KL: variants seen among roughly 807,000 people sequenced by gnomAD.
The protein encoded by KL is alpha-klotho.
Under a neutral mutation model 84.2 loss-of-function variants are expected in KL, and 62 were observed. That is an observed-to-expected ratio of 0.74 (90% CI 0.60 to 0.91). KL has a LOEUF of 0.91. Among genes scored for constraint, KL ranks in the 40% least tolerant of loss-of-function variants. KL has a pLI of 0.00. For missense variants in KL, 1,261 were observed against 1,305.7 expected (o/e 0.97, Z 0.53); for synonymous variants, 528 against 528.0 (o/e 1.00, Z 0.00).
At chr13:33,047,614 C>T (rs1871586145) in intron 1 of KL, among the ~76,000 whole-genome samples, 1 of 152,224 alleles carries the variant, frequency 6.6e-6, no homozygotes, top group South Asian at 2.1e-4. Flanking sequence ...AGGCGTGAGC[C>T]ACTGCACCCA....
In KL at chr13:33,017,195, G is replaced by C. The variant is rs1343669027; in HGVS notation, c.755G>C (p.Arg252Pro). 4 of 1,597,608 alleles carry C rather than the reference G, an allele frequency of 2.5e-6. No individual in the cohort carries two copies. Among genetic ancestry groups the C allele is most frequent in the East Asian group, 4.5e-5 (2 of 44,824 alleles). Reference sequence around the variant, plus strand: ...GCCTGGCACGGCTACGCCACCGGGCGCCTGGCCCCCGGCATCCGGGGCAGC... The same window carrying C: ...GCCTGGCACGGCTACGCCACCGGGCCCCTGGCCCCCGGCATCCGGGGCAGC... ...VVAWHGYATG[R>P]LAPGIRGSPR... Residue 252 changes from arginine (R) to proline (P), a missense_variant, in exon 1 of 5, where the codon CGC becomes CCC. Arg to Pro is a moderately radical substitution (Grantham distance 103). Transcript: ENST00000380099.
At position 33,061,466 on chromosome 13, in the gene KL, T is replaced by G. The variant is rs1459190891; in HGVS notation, c.2387T>G (p.Leu796Arg). The change falls in exon 4 of 5, where the codon CTA becomes CGA. Residue 796 changes from leucine to arginine, a missense_variant. Transcript: ENST00000380099. ...LPYFTEDEKK[L>R]IQGTFDFLAL... ...TATTTCACTGAAGATGAAAAAAAGCTAATCCAGGGTACCTTTGACTTTTTG... is the reference window on the plus strand; with the variant it reads ...TATTTCACTGAAGATGAAAAAAAGCGAATCCAGGGTACCTTTGACTTTTTG... 6.2e-7 allele frequency: 1 copy of G among 1,614,212 alleles called. No homozygotes were observed. The highest frequency in any genetic ancestry group is 2.2e-5 in the East Asian group (1 of 44,888).
chr13:33,058,963 G>A (rs961196610), intron 3 of KL, among the ~76,000 whole-genome samples: 1 of 152,176 alleles, frequency 6.6e-6, no homozygotes, highest in African/African-American at 2.4e-5. Flanking sequence ...TTCTGCAAGG[G>A]ACAATTCTCC....
chr13:33,054,288 G>A lies in KL; in HGVS notation c.1330+11G>A, dbSNP rs553221792. 7.1e-5 allele frequency: 114 copies of A among 1,611,830 alleles called. No homozygotes were observed. In the East Asian group the frequency reaches 2.4e-3, roughly 33 times the overall value. On this transcript the variant is annotated intron_variant, in intron 2 of 4. Coordinates refer to ENST00000380099, the MANE Select transcript of KL (RefSeq NM_004795.4). ...TGGAAACCTTAAAAGGTATGATTGT[G>A]GGTAAAGTTCTCATTTCCTGCCAAA... is the stretch of plus-strand genomic sequence containing the variant.
At chr13:33,059,349 C>G (rs1872086078) in intron 3 of KL, among the ~76,000 whole-genome samples, 1 of 152,154 alleles carries the variant, frequency 6.6e-6, no homozygotes. Flanking sequence ...GAACTATAAT[C>G]ATCATCATTG....
At chr13:33,050,459 T>C (rs1169875568) in intron 1 of KL, among the ~76,000 whole-genome samples, 2 of 152,216 alleles carry the variant, frequency 1.3e-5, no homozygotes, top group African/African-American at 4.8e-5. Context: ...GTGAAGCTGG[T>C]TCAACTCAGT....
intron 1 of KL, among the ~76,000 whole-genome samples, chr13:33,018,292 A>C (rs1283582656): frequency 6.6e-6 from 1 of 152,206 alleles, no homozygotes; most frequent in African/African-American, 2.4e-5. Flanking sequence ...CTACTGGAAG[A>C]CTTATTTTTA....
intron 1 of KL, among the ~76,000 whole-genome samples, chr13:33,042,784 C>T (rs373141753): frequency 2.0e-5 from 3 of 152,064 alleles, no homozygotes; most frequent in Admixed American, 1.3e-4. Context: ...TGGGTCCAAG[C>T]GATTCTCCTG....
intron 1 of KL, among the ~76,000 whole-genome samples, chr13:33,029,909 A>G (rs1176424395): frequency 6.6e-6 from 1 of 151,020 alleles, no homozygotes; most frequent in African/African-American, 2.4e-5. Context: ...CTGGGATTAC[A>G]GGCGTGAGCC....
intron 3 of KL, among the ~76,000 whole-genome samples, chr13:33,059,913 C>A (rs1455826403): frequency 6.6e-6 from 1 of 152,212 alleles, no homozygotes; most frequent in Non-Finnish European, 1.5e-5. Context: ...TAATTTTAAG[C>A]ACAATTTAAT....
intron 1 of KL, among the ~76,000 whole-genome samples, chr13:33,021,535 A>T (rs1215181917): frequency 6.6e-6 from 1 of 152,208 alleles, no homozygotes; most frequent in Non-Finnish European, 1.5e-5. Flanking sequence ...TATATGCTCA[A>T]ATTACATATA....
chr13:33,027,232 G>A (rs551919423), intron 1 of KL, among the ~76,000 whole-genome samples: 2 of 152,276 alleles, frequency 1.3e-5, no homozygotes, highest in Non-Finnish European at 2.9e-5. Context: ...GTCTCCAGGT[G>A]GGTTATACTA....
Position 33,056,639 on chromosome 13 carries a change from C to CAAA in KL, c.1599+1339_1599+1341dup, listed in dbSNP as rs57452305. 6.6e-4 allele frequency among the ~76,000 whole-genome samples: 96 copies of CAAA among 144,498 alleles called. 1 individual carries two copies. The highest frequency in any genetic ancestry group is 9.5e-4 in the Admixed American group (14 of 14,696). 94.8% of individuals were successfully genotyped at this position (144,498 alleles called of 152,430 possible). A position where few individuals can be genotyped will look rare whatever the true frequency, so the allele number is the denominator to read the frequency against. On this transcript the variant is annotated intron_variant, in intron 3 of 4. Transcript: ENST00000380099. ...TGAAACCCCGTCTCTACTAAAAATA[C>CAAA]AAAAAAAAAAAAAAAAATTATCCGG... is the stretch of plus-strand genomic sequence containing the variant.
In KL at chr13:33,016,767, G is replaced by C. The variant is rs116810451; in HGVS notation, c.327G>C (p.Leu109=). Reference sequence around the variant, plus strand: ...CGGGAGACTCCCGGAACGCCAGTCTGCCGTTGGGCGCCCCGTCGCCGCTGC... The same window carrying C: ...CGGGAGACTCCCGGAACGCCAGTCTCCCGTTGGGCGCCCCGTCGCCGCTGC... ...APPGDSRNAS[L]PLGAPSPLQP... The change falls in exon 1 of 5, where the codon CTG becomes CTC. Residue 109 remains leucine, a synonymous_variant. Coordinates refer to ENST00000380099, the MANE Select transcript of KL (RefSeq NM_004795.4). 1,292 of 1,611,826 alleles carry C rather than the reference G, an allele frequency of 8.0e-4. 10 individuals carry two copies. The African/African-American group carries it at 0.016, about 20-fold the overall frequency.
intron 1 of KL, among the ~76,000 whole-genome samples, chr13:33,018,820 T>C (rs1870466957): frequency 2.0e-5 from 3 of 152,204 alleles, no homozygotes; most frequent in African/African-American, 7.2e-5. Flanking sequence ...ACAAGTTCTA[T>C]TTTTAGAGTC....
At chr13:33,042,177 C>T (rs1593799543) in intron 1 of KL, among the ~76,000 whole-genome samples, 1 of 151,950 alleles carries the variant, frequency 6.6e-6, no homozygotes, top group South Asian at 2.1e-4. Flanking sequence ...TATTTCTATA[C>T]CTGAATAGCT....
chr13:33,021,104 G>T (rs1020697804), intron 1 of KL, among the ~76,000 whole-genome samples: 1 of 152,108 alleles, frequency 6.6e-6, no homozygotes, highest in Non-Finnish European at 1.5e-5. Flanking sequence ...TCTGAAAATG[G>T]CATCTTGCCC....
intron 3 of KL, 99 bp downstream of exon 3, chr13:33,055,414 TC>T: frequency 6.6e-7 from 1 of 1,514,384 alleles, no homozygotes; most frequent in East Asian, 2.3e-5. Flanking sequence ...CATTGTCCGT[TC>T]TTTGAGCCAA....
In KL at chr13:33,064,317, C is replaced by T. The variant is rs546946292; in HGVS notation, c.*131C>T. On this transcript the variant is annotated 3_prime_UTR_variant, in exon 5 of 5. Transcript: ENST00000380099. Reference sequence around the variant, plus strand: ...TGACTTCTAGAAAACATTTTTGTGGCTTATGACAGAGGTTTTGAAATGGGC... The same window carrying T: ...TGACTTCTAGAAAACATTTTTGTGGTTTATGACAGAGGTTTTGAAATGGGC... The T allele has an allele frequency of 7.0e-6, 5 of 713,144 alleles. No individual in the cohort carries two copies. Among genetic ancestry groups the T allele is most frequent in the African/African-American group, 3.6e-5 (2 of 56,048 alleles). The allele number at this position is 713,144 out of a possible 1,614,324, so 44.2% of individuals were successfully genotyped here.
Sources: gnomAD v4.1 joint callset for allele counts (sites outside exome capture counted in the v4.1 genomes callset) on GRCh38, gnomAD v4.1.1 for gene constraint, MANE v1.5 for transcripts, NCBI Gene and HGNC (gene_info 2026-07-23, HGNC 2026-07-21) for gene names.